Variants in RIMS1 observed in about 807,000 individuals in gnomAD.
The protein encoded by RIMS1 is regulating synaptic membrane exocytosis protein 1.
RIMS1 carries 83 observed loss-of-function variants against 214.1 expected under a neutral mutation model. That is an observed-to-expected ratio of 0.39 (90% confidence interval 0.32 to 0.47). RIMS1 has a LOEUF of 0.47. Among genes scored for constraint, RIMS1 ranks in the 20% least tolerant of loss-of-function variants. RIMS1 has a pLI of 0.99. For missense variants in RIMS1, 2,050 were observed against 2,161.8 expected (o/e 0.95, Z 1.03); for synonymous variants, 793 against 786.8 (o/e 1.01, Z -0.13).
intron 4 of RIMS1, among the ~76,000 whole-genome samples, chr6:72,143,231 A>G (rs2042293939): frequency 1.3e-5 from 2 of 152,302 alleles, no homozygotes; most frequent in South Asian, 4.1e-4. Flanking sequence ...TTTCTTTTTA[A>G]ATATATACGT....
At chr6:72,234,724 C>G (rs2154090103) in intron 7 of RIMS1, among the ~76,000 whole-genome samples, 1 of 152,090 alleles carries the variant, frequency 6.6e-6, no homozygotes, top group Admixed American at 6.6e-5. Context: ...ATTCATCCCT[C>G]TCTCCTTTCT....
intron 29 of RIMS1, among the ~76,000 whole-genome samples, chr6:72,375,479 A>G (rs1303473573): frequency 6.6e-6 from 1 of 152,156 alleles, no homozygotes; most frequent in African/African-American, 2.4e-5. Flanking sequence ...GCTGGATGTT[A>G]GAAATTACAC....
intron 10 of RIMS1, among the ~76,000 whole-genome samples, chr6:72,243,376 ACT>A (rs2067867146): frequency 6.6e-6 from 1 of 151,668 alleles, no homozygotes; most frequent in Non-Finnish European, 1.5e-5. Context: ...AATATATAAA[ACT>A]CTAAAATAAA....
At chr6:71,893,622 ATG>A (rs1317734784) in intron 1 of RIMS1, among the ~76,000 whole-genome samples, 1 of 152,166 alleles carries the variant, frequency 6.6e-6, no homozygotes, top group Non-Finnish European at 1.5e-5. Flanking sequence ...AATAAATTGC[ATG>A]TGTTTAAGAA....
At chr6:71,924,968 G>A (rs538243417) in intron 1 of RIMS1, among the ~76,000 whole-genome samples, 2 of 152,260 alleles carry the variant, frequency 1.3e-5, no homozygotes, top group African/African-American at 4.8e-5. Flanking sequence ...GTTCCTCAGT[G>A]GTAGGGACTG....
intron 1 of RIMS1, among the ~76,000 whole-genome samples, chr6:71,930,027 T>G (rs1286089984): frequency 6.6e-6 from 1 of 152,094 alleles, no homozygotes; most frequent in Non-Finnish European, 1.5e-5. Context: ...TAGACTTGGT[T>G]TTATTGTGTA....
chr6:72,355,556 G>C (rs1423777475), intron 29 of RIMS1, among the ~76,000 whole-genome samples: 1 of 152,096 alleles, frequency 6.6e-6, no homozygotes, highest in Non-Finnish European at 1.5e-5. Context: ...TATGCATAAA[G>C]ATGGGTGAAA....
At chr6:72,161,889 A>G (rs1313850993) in intron 4 of RIMS1, among the ~76,000 whole-genome samples, 2 of 141,132 alleles carry the variant, frequency 1.4e-5, no homozygotes, top group Non-Finnish European at 3.2e-5. Flanking sequence ...AGAGTTCTAT[A>G]GATGTCTATT....
chr6:72,226,462 T>C (rs1174329344), intron 6 of RIMS1, among the ~76,000 whole-genome samples: 5 of 152,140 alleles, frequency 3.3e-5, no homozygotes, highest in African/African-American at 9.6e-5. Context: ...AGCCCCATTA[T>C]CTACGGTATT....
At chr6:72,390,560 A>G (rs754199718) in intron 29 of RIMS1, 38 bp from the exon 30 acceptor site, 2 of 1,575,790 alleles carry the variant, frequency 1.3e-6, no homozygotes, top group African/African-American at 2.7e-5. Flanking sequence ...TAAACTGTCT[A>G]AATAAAACTT....
chr6:72,251,255 C>T lies in RIMS1; in HGVS notation c.2585C>T (p.Pro862Leu), dbSNP rs771037675. The T allele has an allele frequency of 6.3e-6, 10 of 1,598,250 alleles. No individual in the cohort carries two copies. The highest frequency in any genetic ancestry group is 8.5e-6 in the Non-Finnish European group (10 of 1,171,462). ...GAGACAGCGCTTTTAGATGATGAAC[C>T]GCATTGGTATAAACTTCAGACACAT... Reference protein sequence around the residue: ...ELETALLDDEPHWYKLQTHDE... With the variant: ...ELETALLDDELHWYKLQTHDE... The change falls in exon 15 of 34, where the codon CCG becomes CTG. Residue 862 changes from proline to leucine, a missense_variant. By Grantham distance (98) the Pro-to-Leu change is moderately conservative. This residue lies in a region of RIMS1 where 889 missense variants were observed against 885.5 expected (regional missense o/e 1.00). Transcript: ENST00000521978.
chr6:72,241,263 A>G (rs1176803117), intron 9 of RIMS1, among the ~76,000 whole-genome samples: 30 of 152,150 alleles, frequency 2.0e-4, no homozygotes, highest in Non-Finnish European at 4.4e-5. Context: ...TTTCAACACA[A>G]ATTTACTTTG....
At chr6:72,222,336 A>C (rs2058725155) in intron 6 of RIMS1, among the ~76,000 whole-genome samples, 1 of 152,086 alleles carries the variant, frequency 6.6e-6, no homozygotes, top group African/African-American at 2.4e-5. Flanking sequence ...GAATCTTTAA[A>C]AGACAATTCA....
rs1269022091 is a variant in RIMS1, at chr6:72,207,624, C to T, written c.1678+24475C>T. Among the ~76,000 whole-genome samples, 5 of 152,052 alleles carry T rather than the reference C, an allele frequency of 3.3e-5. No homozygotes were observed. In the South Asian group the frequency reaches 6.2e-4, roughly 19 times the overall value. On this transcript the variant is annotated intron_variant, in intron 6 of 33. Coordinates refer to ENST00000521978, the MANE Select transcript of RIMS1 (RefSeq NM_014989.7). ...ACAAATAAATATATCCATTTAATGG[C>T]GTTTGAACTGACAAATCAGATTTAA...
chr6:72,366,694 G>A, intron 29 of RIMS1: 1 of 985,308 alleles, frequency 1.0e-6, no homozygotes, highest in Non-Finnish European at 1.2e-6. Flanking sequence ...GAGGGTGAGG[G>A]AGGAGGAGAG....
At chr6:72,340,405 T>G (rs2097023535) in intron 29 of RIMS1, among the ~76,000 whole-genome samples, 1 of 152,072 alleles carries the variant, frequency 6.6e-6, no homozygotes. Flanking sequence ...TTCTAGGGTT[T>G]TTATGGTTTT....
At chr6:72,271,419 C>G (rs2083320542) in intron 22 of RIMS1, among the ~76,000 whole-genome samples, 1 of 149,848 alleles carries the variant, frequency 6.7e-6, no homozygotes, top group Non-Finnish European at 1.5e-5. Flanking sequence ...TGTGTATAAT[C>G]AGTTATCTCA....
chr6:71,920,393 G>A (rs1344781528), intron 1 of RIMS1, among the ~76,000 whole-genome samples: 1 of 152,132 alleles, frequency 6.6e-6, no homozygotes, highest in East Asian at 1.9e-4. Flanking sequence ...GACACAGAAT[G>A]AAGAGTTATG....
At chr6:72,063,034 C>T (rs1218237387) in intron 2 of RIMS1, among the ~76,000 whole-genome samples, 4 of 152,118 alleles carry the variant, frequency 2.6e-5, no homozygotes, top group East Asian at 3.9e-4. Context: ...AGGACTCCAA[C>T]ATATCTTTTT....
Sources: allele counts gnomAD v4.1 joint callset (sites outside exome capture counted in the v4.1 genomes callset), GRCh38; gene constraint gnomAD v4.1.1; regional missense constraint gnomAD v4.1.1; transcripts MANE v1.5; gene names NCBI Gene and HGNC (gene_info 2026-07-23, HGNC 2026-07-21).